PRKG2: variants seen among roughly 807,000 people sequenced by gnomAD.
The protein encoded by PRKG2 is protein kinase cGMP-dependent 2.
In PRKG2, 33 loss-of-function variants were observed where a neutral mutation model predicts 97.2. That is an observed-to-expected ratio of 0.34 (90% CI 0.26 to 0.45). The LOEUF is 0.45. PRKG2 is among the 20% of genes least tolerant of loss of function. The probability of loss-of-function intolerance (pLI) is 1.00; values close to 1 mark genes in which losing one functional copy is unlikely to be tolerated. For synonymous variants in PRKG2, 330 were observed against 321.8 expected, an observed-to-expected ratio of 1.03 and a Z score of -0.27; for missense variants, 638 against 900.0, an observed-to-expected ratio of 0.71 and a Z score of 3.73.
At position 81,204,762 on chromosome 4, in the gene PRKG2, C is replaced by T. The variant is rs1239469098; in HGVS notation, c.286G>A (p.Ala96Thr). 1 of 1,614,058 alleles carries T rather than the reference C, an allele frequency of 6.2e-7. No individual in the cohort carries two copies. Among genetic ancestry groups the T allele is most frequent in the African/African-American group, 1.3e-5 (1 of 74,910 alleles). Residue 96 changes from alanine (A) to threonine (T), a missense_variant, in exon 2 of 19, where the codon GCC (alanine) becomes ACC (threonine). This residue lies in a region of PRKG2 where 332 missense variants were observed against 421.7 expected (regional missense o/e 0.79). Transcript: ENST00000264399. ...VHMQGGSPLQASPDKVPLEVH... is the reference protein window; with the variant it reads ...VHMQGGSPLQTSPDKVPLEVH... ...TCAAGAGGCACTTTATCTGGAGAGG[C>T]CTGAAGCGGGCTTCCTCCCTGCATA...
At chr4:81,116,985 CTTTTTTTTTTT>C (rs58361616) in intron 14 of PRKG2, among the ~76,000 whole-genome samples, 8 of 78,988 alleles carry the variant, frequency 1.0e-4, no homozygotes, top group Non-Finnish European at 1.5e-4. Flanking sequence ...CCTGTTGTTA[CTTTTTTTTTTT>C]TTTTTTTTTT....
chr4:81,215,309 C>T (rs1754229593), upstream of PRKG2, among the ~76,000 whole-genome samples: 1 of 152,186 alleles, frequency 6.6e-6, no homozygotes, highest in African/African-American at 2.4e-5. Context: ...TAGTTGGGCG[C>T]CGGCTTCCCT....
intron 2 of PRKG2, among the ~76,000 whole-genome samples, chr4:81,185,295 A>G (rs536998177): frequency 6.6e-6 from 1 of 152,338 alleles, no homozygotes. Context: ...GAAACCGTAC[A>G]AGCCAGTAGA....
intron 1 of PRKG2, among the ~76,000 whole-genome samples, chr4:81,205,901 A>T (rs1017970512): frequency 1.3e-5 from 2 of 152,220 alleles, no homozygotes; most frequent in Non-Finnish European, 2.9e-5. Context: ...TGGTATGCAG[A>T]TCAGGGGTTA....
At chr4:81,144,201 C>A (rs774210453) in intron 10 of PRKG2, 31 bp downstream of exon 10, 1 of 1,559,736 alleles carries the variant, frequency 6.4e-7, no homozygotes, top group Non-Finnish European at 8.8e-7. Context: ...CAGAAGTCAG[C>A]TCCGGCTCAG....
rs147552120 is a variant in PRKG2, at chr4:81,185,622, T to G, written c.462-10663A>C. Among the ~76,000 whole-genome samples the G allele has an allele frequency of 5.3e-3, 811 of 152,136 alleles. 8 individuals carry two copies. The highest frequency in any genetic ancestry group is 0.019 in the African/African-American group (773 of 41,498). On this transcript the variant is annotated intron_variant, in intron 2 of 18. Transcript: ENST00000264399. ...ATGACTGGATCAAATTTACACATAA[T>G]AATATTAACCTTAAATGTAAATGGG...
intron 2 of PRKG2, among the ~76,000 whole-genome samples, chr4:81,183,441 G>C (rs1013686834): frequency 6.6e-6 from 1 of 152,080 alleles, no homozygotes; most frequent in Non-Finnish European, 1.5e-5. Flanking sequence ...GCACCATGAG[G>C]AATGGTGTAC....
chr4:81,108,198 C>A lies in PRKG2; in HGVS notation c.1940+2250G>T, dbSNP rs550256482. On this transcript the variant is annotated intron_variant, in intron 15 of 18. Coordinates refer to ENST00000264399, the MANE Select transcript of PRKG2 (RefSeq NM_006259.3). ...CCAGCCTGGGCAACACAGCAAGACT[C>A]CATCTCAAAAATAAATAAATAATAA... is the stretch of plus-strand genomic sequence containing the variant. Among the ~76,000 whole-genome samples, 18 of 152,162 alleles carry A rather than the reference C, an allele frequency of 1.2e-4. 1 individual carries two copies. The East Asian group carries it at 3.5e-3, about 30-fold the overall frequency.
intron 13 of PRKG2, among the ~76,000 whole-genome samples, chr4:81,135,785 T>C (rs1397825147): frequency 6.6e-6 from 1 of 152,102 alleles, no homozygotes; most frequent in African/African-American, 2.4e-5. Context: ...CTTGATCTTT[T>C]ATTAAAGTCC....
intron 5 of PRKG2, among the ~76,000 whole-genome samples, chr4:81,167,881 A>AAAGAACATG (rs1239116580): frequency 1.3e-5 from 2 of 152,006 alleles, no homozygotes; most frequent in Non-Finnish European, 2.9e-5. Context: ...AAGAGGCTGG[A>AAAGAACATG]AAGAACATGG....
intron 14 of PRKG2, among the ~76,000 whole-genome samples, chr4:81,128,144 C>T (rs1745791916): frequency 6.6e-6 from 1 of 152,102 alleles, no homozygotes; most frequent in African/African-American, 2.4e-5. Context: ...TATTTATTTG[C>T]ATATGTTGAG....
At chr4:81,149,962 A>AT (rs1346215929) in intron 8 of PRKG2, among the ~76,000 whole-genome samples, 1 of 152,192 alleles carries the variant, frequency 6.6e-6, no homozygotes, top group Non-Finnish European at 1.5e-5. Context: ...ACCTTCTGAC[A>AT]TAACTCACTG....
At chr4:81,115,487 C>CA (rs1419491141) in intron 14 of PRKG2, among the ~76,000 whole-genome samples, 1 of 152,118 alleles carries the variant, frequency 6.6e-6, no homozygotes, top group African/African-American at 2.4e-5. Context: ...ATCAGTTTGC[C>CA]AAGCTTCACA....
chr4:81,151,419 T>C, intron 8 of PRKG2, among the ~76,000 whole-genome samples: 1 of 152,088 alleles, frequency 6.6e-6, no homozygotes. Context: ...ATTTCTTCCA[T>C]AAATTAGATC....
intron 6 of PRKG2, among the ~76,000 whole-genome samples, chr4:81,154,731 C>T (rs937202658): frequency 2.0e-4 from 31 of 152,206 alleles, no homozygotes; most frequent in African/African-American, 7.5e-4. Flanking sequence ...TCCAAAGGAA[C>T]GCAGTTCCTC....
chr4:81,210,942 T>A (rs1413675158), intron 1 of PRKG2, among the ~76,000 whole-genome samples: 3 of 152,046 alleles, frequency 2.0e-5, no homozygotes, highest in Non-Finnish European at 4.4e-5. Flanking sequence ...AAGAAGCCAA[T>A]CTGAAAAGCC....
intron 6 of PRKG2, among the ~76,000 whole-genome samples, chr4:81,154,789 G>A (rs548198927): frequency 2.0e-5 from 3 of 152,300 alleles, no homozygotes; most frequent in East Asian, 3.9e-4. Flanking sequence ...GACGAGCTGC[G>A]AGAAGAAGGC....
chr4:81,183,615 C>T (rs1261560544), intron 2 of PRKG2, among the ~76,000 whole-genome samples: 10 of 151,936 alleles, frequency 6.6e-5, no homozygotes, highest in African/African-American at 2.2e-4. Flanking sequence ...TTCATACCCC[C>T]GTGGTGCCTG....
chr4:81,102,958 A>G (rs1742949970), intron 17 of PRKG2, among the ~76,000 whole-genome samples: 1 of 152,220 alleles, frequency 6.6e-6, no homozygotes, highest in Admixed American at 6.6e-5. Context: ...ATATCTGTGT[A>G]GTCAAAGGAT....
Sources: gnomAD v4.1 joint callset for allele counts (sites outside exome capture counted in the v4.1 genomes callset) on GRCh38, gnomAD v4.1.1 for gene constraint, gnomAD v4.1.1 regional missense constraint, MANE v1.5 for transcripts, NCBI Gene and HGNC (gene_info 2026-07-23, HGNC 2026-07-21) for gene names.